The following ARHGEF26 variants were observed in gnomAD, a reference collection of about 807,000 sequenced individuals.
ARHGEF26 encodes Rho guanine nucleotide exchange factor (GEF) 26.
A neutral mutation model predicts 89.4 loss-of-function variants in ARHGEF26; 59 were observed. That is an observed-to-expected ratio of 0.66 (90% CI 0.54 to 0.82). The LOEUF (loss-of-function observed/expected upper bound fraction) is 0.82, where lower values mean the gene tolerates loss of function less well. ARHGEF26 is among the 40% of genes least tolerant of loss of function. The probability of loss-of-function intolerance (pLI) is 0.00; values close to 1 mark genes in which losing one functional copy is unlikely to be tolerated. For synonymous variants in ARHGEF26, 500 were observed against 428.4 expected, an observed-to-expected ratio of 1.17 and a Z score of -2.06; for missense variants, 1,234 against 1,085.6, an observed-to-expected ratio of 1.14 and a Z score of -1.92.
chr3:154,253,194 T>G lies in ARHGEF26; in HGVS notation c.2368+11T>G. On this transcript the variant is annotated intron_variant, in intron 13 of 14. Coordinates refer to ENST00000465093, the MANE Select transcript of ARHGEF26 (RefSeq NM_015595.4). ...CTGCAGACCGAACCTGTAAGTTCTC[T>G]CAAGGGGAAGCCCACTTGGGAACAT... is the stretch of plus-strand genomic sequence containing the variant. The G allele has an allele frequency of 6.2e-7, 1 of 1,613,970 alleles. No individual in the cohort carries two copies. Among genetic ancestry groups the G allele is most frequent in the Non-Finnish European group, 8.5e-7 (1 of 1,179,848 alleles).
At chr3:154,251,655 A>T (rs1367224675) in intron 12 of ARHGEF26, among the ~76,000 whole-genome samples, 1 of 152,238 alleles carries the variant, frequency 6.6e-6, no homozygotes, top group Non-Finnish European at 1.5e-5. Flanking sequence ...TATGTATCAG[A>T]GGAGCCCCCA....
chr3:154,140,223 T>C (rs377192123), intron 4 of ARHGEF26, among the ~76,000 whole-genome samples: 47 of 152,350 alleles, frequency 3.1e-4, no homozygotes, highest in African/African-American at 8.4e-4. Flanking sequence ...AGGAGACTTA[T>C]TGTGTACCAG....
chr3:154,242,214 A>G (rs1717517652), intron 12 of ARHGEF26, among the ~76,000 whole-genome samples: 2 of 152,256 alleles, frequency 1.3e-5, no homozygotes, highest in Non-Finnish European at 2.9e-5. Flanking sequence ...TACAGCTACC[A>G]TAGACAGTGG....
chr3:154,153,996 G>A (rs1360480702), intron 6 of ARHGEF26, among the ~76,000 whole-genome samples: 2 of 151,920 alleles, frequency 1.3e-5, no homozygotes, highest in African/African-American at 4.8e-5. Context: ...TTTATGGGTG[G>A]TGATCAATAC....
intron 6 of ARHGEF26, among the ~76,000 whole-genome samples, chr3:154,165,634 T>C (rs996629120): frequency 4.6e-5 from 7 of 152,184 alleles, no homozygotes; most frequent in African/African-American, 1.7e-4. Context: ...ATTGATCACA[T>C]TTCTTTTTCC....
At position 154,239,285 on chromosome 3, in the gene ARHGEF26, AGAGAGAGAGAGAGAGTGTGTGTGT is replaced by A. The variant is rs1174563674; in HGVS notation, c.2091-1083_2091-1060del. Among the ~76,000 whole-genome samples, 165 of 104,324 alleles carry A rather than the reference AGAGAGAGAGAGAGAGTGTGTGTGT, an allele frequency of 1.6e-3. 1 individual carries two copies. The highest frequency in any genetic ancestry group is 1.8e-3 in the Non-Finnish European group (92 of 50,096). The allele number at this position is 104,324 out of a possible 152,430, so 68.4% of individuals were successfully genotyped here. A position where few individuals can be genotyped will look rare whatever the true frequency, so the allele number is the denominator to read the frequency against. ...GGGAGAGAGAGAGAGAGAGAGAGAG[AGAGAGAGAGAGAGAGTGTGTGTGT>A]GTGTGTGTGTGTGTGTGTGTGTGTG... On this transcript the variant is annotated intron_variant, in intron 11 of 14. Coordinates refer to ENST00000465093, the MANE Select transcript of ARHGEF26 (RefSeq NM_015595.4).
At chr3:154,216,502 ATTTTTTAT>A (rs1414242750) in intron 9 of ARHGEF26, among the ~76,000 whole-genome samples, 6 of 49,114 alleles carry the variant, frequency 1.2e-4, no homozygotes, top group African/African-American at 4.9e-4. Context: ...ATTTTTTTTT[ATTTTTTAT>A]TTTTTTTTTA....
At chr3:154,248,382 C>T (rs1717923185) in intron 12 of ARHGEF26, among the ~76,000 whole-genome samples, 1 of 152,120 alleles carries the variant, frequency 6.6e-6, no homozygotes, top group Admixed American at 6.5e-5. Context: ...ACAGGAAGTA[C>T]ATGGAATGGA....
chr3:154,163,977 A>G (rs552451033), intron 6 of ARHGEF26, among the ~76,000 whole-genome samples: 2 of 152,250 alleles, frequency 1.3e-5, no homozygotes, highest in African/African-American at 4.8e-5. Flanking sequence ...TACCCTCCTT[A>G]AACTACTTTA....
At position 154,256,630 on chromosome 3, in the gene ARHGEF26, T is replaced by G. The variant is rs1489757443; in HGVS notation, c.*1157T>G. Reference sequence around the variant, plus strand: ...CGTGAGGCTGCTTTGCCTTCAATAATACCTAGTTTTCAGCTGTTCCAACTC... The same window carrying G: ...CGTGAGGCTGCTTTGCCTTCAATAAGACCTAGTTTTCAGCTGTTCCAACTC... On this transcript the variant is annotated 3_prime_UTR_variant, in exon 15 of 15. Coordinates refer to ENST00000465093, the MANE Select transcript of ARHGEF26 (RefSeq NM_015595.4). 15 of 1,042,850 alleles carry G rather than the reference T, an allele frequency of 1.4e-5. No individual in the cohort carries two copies. The highest frequency in any genetic ancestry group is 9.2e-6 in the Non-Finnish European group (8 of 873,962). The allele number at this position is 1,042,850 out of a possible 1,614,324, so 64.6% of individuals were successfully genotyped here.
intron 4 of ARHGEF26, among the ~76,000 whole-genome samples, chr3:154,137,765 C>G (rs1316487641): frequency 6.6e-6 from 1 of 150,968 alleles, no homozygotes; most frequent in Non-Finnish European, 1.5e-5. Flanking sequence ...TCTCTTGAGC[C>G]CAGGAGTTTG....
intron 8 of ARHGEF26, among the ~76,000 whole-genome samples, chr3:154,193,957 C>T (rs1455196386): frequency 3.3e-5 from 5 of 152,030 alleles, no homozygotes; most frequent in African/African-American, 7.2e-5. Context: ...ACCTTAGCCT[C>T]CTGAGTAGCT....
chr3:154,175,782 T>G (rs1263266002), intron 6 of ARHGEF26, among the ~76,000 whole-genome samples: 1 of 152,200 alleles, frequency 6.6e-6, no homozygotes, highest in East Asian at 1.9e-4. Context: ...TTGTTTTGTT[T>G]TACAAAGAAG....
chr3:154,147,391 A>G (rs1482444881), intron 4 of ARHGEF26, among the ~76,000 whole-genome samples: 2 of 152,232 alleles, frequency 1.3e-5, no homozygotes, highest in African/African-American at 4.8e-5. Context: ...AGTCTGAGCG[A>G]CAGAGTGAGA....
At chr3:154,137,813 TAA>T (rs35590555) in intron 4 of ARHGEF26, among the ~76,000 whole-genome samples, 3 of 139,338 alleles carry the variant, frequency 2.2e-5, no homozygotes, top group Non-Finnish European at 4.6e-5. Context: ...CCCTATCTCT[TAA>T]AAAAAAAAAA....
At chr3:154,254,883 CGAG>C in intron 14 of ARHGEF26, 59 bp downstream of exon 14, 1 of 1,391,186 alleles carries the variant, frequency 7.2e-7, no homozygotes, top group Non-Finnish European at 1.0e-6. Context: ...GCTATAGACC[CGAG>C]GAGTGTCATT....
At chr3:154,193,058 C>A (rs1185429514) in intron 8 of ARHGEF26, among the ~76,000 whole-genome samples, 5 of 152,038 alleles carry the variant, frequency 3.3e-5, no homozygotes, top group Middle Eastern at 3.4e-3. Context: ...CACAGACCCC[C>A]CCTTGAGATT....
chr3:154,239,287 A>AGTGTGTGTGT (rs1717324770), intron 11 of ARHGEF26, among the ~76,000 whole-genome samples: 1 of 104,216 alleles, frequency 9.6e-6, no homozygotes. Flanking sequence ...AGAGAGAGAG[A>AGTGTGTGTGT]GAGAGAGAGA....
intron 7 of ARHGEF26, among the ~76,000 whole-genome samples, chr3:154,188,793 A>G (rs901668616): frequency 6.6e-6 from 1 of 152,192 alleles, no homozygotes; most frequent in Non-Finnish European, 1.5e-5. Flanking sequence ...AGGGCTGATG[A>G]TGGCCCCCTT....
Sources: gnomAD v4.1 joint callset for allele counts (sites outside exome capture counted in the v4.1 genomes callset) on GRCh38, gnomAD v4.1.1 for gene constraint, MANE v1.5 for transcripts, NCBI Gene and HGNC (gene_info 2026-07-23, HGNC 2026-07-21) for gene names.